VEGFC: variants seen among roughly 807,000 people sequenced by gnomAD.
VEGFC encodes vascular endothelial growth factor C.
VEGFC carries 12 observed loss-of-function variants against 46.1 expected under a neutral mutation model. The ratio of observed to expected loss-of-function variants is 0.26; its 90% confidence interval spans 0.17 to 0.42. The LOEUF (loss-of-function observed/expected upper bound fraction) is 0.42. Ranked by LOEUF, VEGFC falls within the 10% of genes least tolerant of loss-of-function variation. VEGFC has a pLI of 1.00. For synonymous variants in VEGFC, 232 were observed against 195.5 expected, an observed-to-expected ratio of 1.19 and a Z score of -1.56; for missense variants, 488 against 529.4, an observed-to-expected ratio of 0.92 and a Z score of 0.77.
At chr4:176,727,634 G>T in intron 3 of VEGFC, 144 bp downstream of exon 3, 2 of 689,704 alleles carry the variant, frequency 2.9e-6, no homozygotes, top group Non-Finnish European at 4.3e-6. Context: ...CTGAAAAACT[G>T]ACTTCATTCC....
intron 1 of VEGFC, among the ~76,000 whole-genome samples, chr4:176,760,582 T>C (rs892842276): frequency 3.9e-5 from 6 of 152,140 alleles, no homozygotes; most frequent in African/African-American, 1.4e-4. Flanking sequence ...AGAATTCCAC[T>C]CCACAGCAAG....
In VEGFC at chr4:176,780,387, A is replaced by AAAAAAAAAAAACAAAC. The variant is rs1553997797; in HGVS notation, c.147+11777_147+11778insGTTTGTTTTTTTTTTT. Among the ~76,000 whole-genome samples, 100 of 114,760 alleles carry AAAAAAAAAAAACAAAC rather than the reference A, an allele frequency of 8.7e-4. 4 individuals carry two copies. The highest frequency in any genetic ancestry group is 1.7e-3 in the East Asian group (6 of 3,618). The allele number at this position is 114,760 out of a possible 152,430, so 75.3% of individuals were successfully genotyped here. ...ACAGAGCGAGACTCCATCTCAAAAA[A>AAAAAAAAAAAACAAAC]AAAAAAAAAAAACTCCTTCTAACCC... On this transcript the variant is annotated intron_variant, in intron 1 of 6. Coordinates refer to ENST00000618562, the MANE Select transcript of VEGFC (RefSeq NM_005429.5).
chr4:176,701,823 T>C (rs1734439476), intron 4 of VEGFC, among the ~76,000 whole-genome samples: 1 of 152,192 alleles, frequency 6.6e-6, no homozygotes, highest in South Asian at 2.1e-4. Context: ...TTTAAAATGC[T>C]GAAAAACAGT....
rs193234370 is a variant in VEGFC, at chr4:176,716,905, G to A, written c.553-5255C>T. 3.3e-5 allele frequency among the ~76,000 whole-genome samples: 5 copies of A among 151,364 alleles called. No individual in the cohort carries two copies. In the East Asian group the frequency reaches 9.7e-4, roughly 29 times the overall value. On this transcript the variant is annotated intron_variant, in intron 3 of 6. Transcript: ENST00000618562. ...TTGTCAGACTATTTTGTGCTTTATT[G>A]TGTATATAATAGTATTTTCTGTTCT... is the stretch of plus-strand genomic sequence containing the variant.
intron 1 of VEGFC, among the ~76,000 whole-genome samples, chr4:176,773,975 T>C (rs1381198945): frequency 6.6e-6 from 1 of 152,162 alleles, no homozygotes; most frequent in Non-Finnish European, 1.5e-5. Context: ...ATACTTTACT[T>C]AACACAATAA....
At chr4:176,729,780 C>G in intron 1 of VEGFC, 34 bp from the exon 2 acceptor site, 1 of 1,516,182 alleles carries the variant, frequency 6.6e-7, no homozygotes, top group South Asian at 1.3e-5. Flanking sequence ...AATGACTTAC[C>G]AGCTTAAGGG....
chr4:176,749,887 G>A lies in VEGFC; in HGVS notation c.148-20141C>T, dbSNP rs1391236327. On this transcript the variant is annotated intron_variant, in intron 1 of 6. Coordinates refer to ENST00000618562, the MANE Select transcript of VEGFC (RefSeq NM_005429.5). Reference sequence around the variant, plus strand: ...AACCCCTACTTAACTGTCCCACCATGTACTATATTCTATAACATATTGTGT... The same window carrying A: ...AACCCCTACTTAACTGTCCCACCATATACTATATTCTATAACATATTGTGT... Among the ~76,000 whole-genome samples, 3 of 151,334 alleles carry A rather than the reference G, an allele frequency of 2.0e-5. 1 individual carries two copies. The highest frequency in any genetic ancestry group is 2.0e-4 in the Admixed American group (3 of 15,148).
chr4:176,713,938 C>A (rs749384078), intron 3 of VEGFC, among the ~76,000 whole-genome samples: 3 of 152,100 alleles, frequency 2.0e-5, no homozygotes, highest in Admixed American at 1.3e-4. Flanking sequence ...ATAACCAGCA[C>A]CCGATGTGGT....
At chr4:176,695,781 A>G (rs1348290776) in intron 4 of VEGFC, among the ~76,000 whole-genome samples, 1 of 152,082 alleles carries the variant, frequency 6.6e-6, no homozygotes, top group Non-Finnish European at 1.5e-5. Context: ...CTTATCCACC[A>G]TGATCAAGCG....
At chr4:176,733,447 T>C (rs947579191) in intron 1 of VEGFC, among the ~76,000 whole-genome samples, 2 of 151,892 alleles carry the variant, frequency 1.3e-5, no homozygotes, top group South Asian at 2.1e-4. Flanking sequence ...ACTACTGATA[T>C]CTGCCACAAT....
At chr4:176,709,173 A>C (rs1028243510) in intron 4 of VEGFC, among the ~76,000 whole-genome samples, 1 of 152,230 alleles carries the variant, frequency 6.6e-6, no homozygotes, top group Non-Finnish European at 1.5e-5. Context: ...TTATTTAACA[A>C]GCATTTATGT....
At position 176,722,306 on chromosome 4, in the gene VEGFC, G is replaced by A. The variant is rs923482048; in HGVS notation, c.552+5472C>T. Reference sequence around the variant, plus strand: ...AGCCTAAATTCTGCAAAGCTGGGAGGTGAAAGAGATGAAATACAGCAAGAA... The same window carrying A: ...AGCCTAAATTCTGCAAAGCTGGGAGATGAAAGAGATGAAATACAGCAAGAA... On this transcript the variant is annotated intron_variant, in intron 3 of 6. Coordinates refer to ENST00000618562, the MANE Select transcript of VEGFC (RefSeq NM_005429.5). 2.0e-5 allele frequency among the ~76,000 whole-genome samples: 3 copies of A among 151,942 alleles called. No individual in the cohort carries two copies. In the South Asian group the frequency reaches 6.2e-4, roughly 32 times the overall value.
At chr4:176,758,372 A>G (rs1011107781) in intron 1 of VEGFC, among the ~76,000 whole-genome samples, 1 of 152,162 alleles carries the variant, frequency 6.6e-6, no homozygotes, top group Non-Finnish European at 1.5e-5. Flanking sequence ...TACCAAATGA[A>G]TATCTAGAAG....
Position 176,692,533 on chromosome 4 carries a change from G to A in VEGFC, c.705-4606C>T, listed in dbSNP as rs60196836. On this transcript the variant is annotated intron_variant, in intron 4 of 6. Transcript: ENST00000618562. ...GCAGTCTGAGATCAAACTGCAAGGC[G>A]GCAATGAGGCTGGGGGAGGGACGCC... Among the ~76,000 whole-genome samples the A allele has an allele frequency of 2.5e-4, 33 of 131,078 alleles. 4 individuals are homozygous for A. Among genetic ancestry groups the A allele is most frequent in the African/African-American group, 1.2e-3 (30 of 24,560 alleles). The allele number at this position is 131,078 out of a possible 152,430, so 86.0% of individuals were successfully genotyped here.
chr4:176,768,198 G>A (rs1376303294), intron 1 of VEGFC, among the ~76,000 whole-genome samples: 1 of 152,108 alleles, frequency 6.6e-6, no homozygotes, highest in Non-Finnish European at 1.5e-5. Context: ...GACAAAGGCA[G>A]CTAGTTATAT....
intron 1 of VEGFC, among the ~76,000 whole-genome samples, chr4:176,771,307 C>T (rs773500166): frequency 3.3e-5 from 5 of 152,218 alleles, no homozygotes; most frequent in East Asian, 3.9e-4. Context: ...AACTGACCAA[C>T]GGAAAATATC....
chr4:176,749,471 T>C (rs1735306597), intron 1 of VEGFC, among the ~76,000 whole-genome samples: 1 of 151,852 alleles, frequency 6.6e-6, no homozygotes, highest in Non-Finnish European at 1.5e-5. Flanking sequence ...ATAAAATGTG[T>C]ACTTTATTTA....
intron 5 of VEGFC, 106 bp from the exon 6 acceptor site, chr4:176,687,626 G>A (rs1268052629): frequency 2.5e-6 from 3 of 1,180,160 alleles, no homozygotes; most frequent in East Asian, 5.1e-5. Context: ...TTCCATCAAA[G>A]GATTGGGTAC....
intron 1 of VEGFC, among the ~76,000 whole-genome samples, chr4:176,778,474 G>A (rs1051969910): frequency 3.3e-5 from 5 of 151,724 alleles, no homozygotes; most frequent in African/African-American, 7.3e-5. Flanking sequence ...GATGCCCCCC[G>A]CCACCAACAA....
Sources: gnomAD v4.1 joint callset for allele counts (sites outside exome capture counted in the v4.1 genomes callset) on GRCh38, gnomAD v4.1.1 for gene constraint, MANE v1.5 for transcripts, NCBI Gene and HGNC (gene_info 2026-07-23, HGNC 2026-07-21) for gene names.